Variants in CIB1 observed in about 807,000 individuals in gnomAD.
CIB1 encodes calcium and integrin binding 1.
CIB1 carries 19 observed loss-of-function variants against 25.0 expected under a neutral mutation model. That is an observed-to-expected ratio of 0.76 (90% CI 0.53 to 1.12). The LOEUF (loss-of-function observed/expected upper bound fraction) is 1.12. Ranked by LOEUF, CIB1 falls within the 50% of genes most tolerant of loss-of-function variation. CIB1 has a pLI of 0.00. For missense variants in CIB1, 236 were observed against 242.6 expected, an observed-to-expected ratio of 0.97 and a Z score of 0.18; for synonymous variants, 104 against 98.5, an observed-to-expected ratio of 1.06 and a Z score of -0.33.
the CIB1 span, chr15:90,263,992 T>C: frequency 6.5e-7 from 1 of 1,536,122 alleles, no homozygotes; most frequent in South Asian, 1.2e-5. Context: ...CATCAACTCC[T>C]GTTCATTGTC....
At chr15:90,241,191 G>C in the CIB1 span, 1 of 1,614,138 alleles carries the variant, frequency 6.2e-7, no homozygotes, top group Non-Finnish European at 8.5e-7. Context: ...TGTGGGTTTC[G>C]TGGCTCAGCT....
At chr15:90,261,823 TA>T in the CIB1 span, among the ~76,000 whole-genome samples, 6 of 152,228 alleles carry the variant, frequency 3.9e-5, no homozygotes, top group Non-Finnish European at 8.8e-5. Context: ...AAGTCAAGCC[TA>T]TTTTCATGGC....
upstream of CIB1, among the ~76,000 whole-genome samples, chr15:90,238,727 T>C (rs532370771): frequency 1.2e-4 from 18 of 152,194 alleles, no homozygotes; most frequent in Non-Finnish European, 2.2e-4. Context: ...AATGTTTCTA[T>C]GCATGACCAA....
intron 2 of CIB1, among the ~76,000 whole-genome samples, chr15:90,232,733 C>T (rs539204271): frequency 1.3e-5 from 2 of 152,076 alleles, no homozygotes; most frequent in African/African-American, 2.4e-5. Flanking sequence ...ATGGTGAACC[C>T]CTTCTCTACT....
chr15:90,257,507 C>A, the CIB1 span: 1 of 997,814 alleles, frequency 1.0e-6, no homozygotes, highest in Non-Finnish European at 1.5e-6. Context: ...TCTAGAATAG[C>A]AGTCCTCTGG....
At chr15:90,252,791 T>C in the CIB1 span, among the ~76,000 whole-genome samples, 3 of 151,994 alleles carry the variant, frequency 2.0e-5, no homozygotes, top group African/African-American at 7.3e-5. Flanking sequence ...TCTCCTGAGG[T>C]CAGGAGTTCG....
chr15:90,258,911 CA>C, the CIB1 span: 2 of 1,614,168 alleles, frequency 1.2e-6, no homozygotes, highest in Non-Finnish European at 1.7e-6. Flanking sequence ...GTGCTACCGA[CA>C]GCCACGAGAA....
At chr15:90,265,579 CT>C in the CIB1 span, 2 of 1,400,166 alleles carry the variant, frequency 1.4e-6, no homozygotes, top group Non-Finnish European at 1.9e-6. Context: ...GAGCCCAGAT[CT>C]TACCCCCACC....
the CIB1 span, among the ~76,000 whole-genome samples, chr15:90,248,718 C>CAAAAAAAAAAAAAAA: frequency 3.6e-5 from 1 of 27,766 alleles, no homozygotes; most frequent in Non-Finnish European, 6.7e-5. Flanking sequence ...GACCCTGTCT[C>CAAAAAAAAAAAAAAA]AAAAAAAAAA....
chr15:90,250,773 TA>T, the CIB1 span: 18 of 1,613,962 alleles, frequency 1.1e-5, no homozygotes, highest in Non-Finnish European at 1.4e-5. Context: ...TATAAGGCAT[TA>T]AAAAATGGGG....
At chr15:90,261,915 C>T in the CIB1 span, 2 of 1,083,746 alleles carry the variant, frequency 1.8e-6, no homozygotes, top group Non-Finnish European at 2.5e-6. Context: ...AAGAAGCCAG[C>T]AGGAGGGTCT....
At chr15:90,241,676 CT>C in the CIB1 span, 1 of 1,614,224 alleles carries the variant, frequency 6.2e-7, no homozygotes, top group Admixed American at 1.7e-5. Context: ...CTGGCTTCCT[CT>C]TTTACACTCG....
chr15:90,247,051 C>G, the CIB1 span, among the ~76,000 whole-genome samples: 1 of 151,348 alleles, frequency 6.6e-6, no homozygotes, highest in Non-Finnish European at 1.5e-5. Context: ...TCTTGGCTCA[C>G]TGCAACCTCT....
the CIB1 span, chr15:90,243,476 A>G: frequency 6.6e-6 from 1 of 150,990 alleles, no homozygotes; most frequent in South Asian, 2.1e-4. Flanking sequence ...CCCCCTGAGT[A>G]GCTGGGACGA....
intron 6 of CIB1, 107 bp downstream of exon 6, chr15:90,230,827 G>A: frequency 1.9e-6 from 2 of 1,028,324 alleles, no homozygotes; most frequent in Admixed American, 1.7e-5. Flanking sequence ...TGTGGGGACT[G>A]GGGCTTTCTC....
At position 90,231,426 on chromosome 15, in the gene CIB1, C is replaced by G. The variant is rs1451576365; in HGVS notation, c.277G>C (p.Asp93His). 6.2e-7 allele frequency: 1 copy of G among 1,614,196 alleles called. No homozygotes were observed. The highest frequency in any genetic ancestry group is 1.7e-5 in the Admixed American group (1 of 60,024). The part of the protein sequence containing the change: ...KDSLSFEDFL[D>H]LLSVFSDTAT... ...GTGTCACTGAACACACTGAGGAGATCCAGGAAGTCCTCAAAGCTAAGGCTG... is the reference window on the plus strand; with the variant it reads ...GTGTCACTGAACACACTGAGGAGATGCAGGAAGTCCTCAAAGCTAAGGCTG... Residue 93 changes from aspartate (D) to histidine (H), a missense_variant, in exon 4 of 7, where the codon GAT becomes CAT. Coordinates refer to ENST00000328649, the MANE Select transcript of CIB1 (RefSeq NM_006384.4).
the CIB1 span, among the ~76,000 whole-genome samples, chr15:90,260,612 G>A: frequency 6.6e-6 from 1 of 152,122 alleles, no homozygotes; most frequent in African/African-American, 2.4e-5. Flanking sequence ...CAGCCCTTTG[G>A]GAGGCTGAGG....
At chr15:90,262,991 T>C in the CIB1 span, 1 of 1,536,002 alleles carries the variant, frequency 6.5e-7, no homozygotes, top group Non-Finnish European at 8.7e-7. Context: ...CTGGACACCA[T>C]GAGGCCTCAA....
At chr15:90,261,276 G>A in the CIB1 span, among the ~76,000 whole-genome samples, 86 of 150,816 alleles carry the variant, frequency 5.7e-4, 2 homozygotes, top group African/African-American at 2.0e-3. Flanking sequence ...ACAGGGTTTC[G>A]CTATGTTGGC....
Sources: gnomAD v4.1 joint callset for allele counts (sites outside exome capture counted in the v4.1 genomes callset) on GRCh38, gnomAD v4.1.1 for gene constraint, MANE v1.5 for transcripts, NCBI Gene and HGNC (gene_info 2026-07-23, HGNC 2026-07-21) for gene names.